Variants in MAGI1 observed in about 807,000 individuals in gnomAD.
MAGI1 encodes the protein membrane-associated guanylate kinase, WW and PDZ domain-containing protein 1.
MAGI1 carries 58 observed loss-of-function variants against 139.9 expected under a neutral mutation model. That is an observed-to-expected ratio of 0.41 (90% CI 0.34 to 0.52). The LOEUF is 0.52. Ranked by LOEUF, MAGI1 falls within the 20% of genes least tolerant of loss-of-function variation. The probability of loss-of-function intolerance (pLI) is 0.12; values close to 1 mark genes in which losing one functional copy is unlikely to be tolerated. For synonymous variants in MAGI1, 812 were observed against 737.9 expected, an observed-to-expected ratio of 1.10 and a Z score of -1.63; for missense variants, 1,874 against 1,901.6, an observed-to-expected ratio of 0.99 and a Z score of 0.27.
At chr3:65,786,122 A>C (rs773897637) in intron 1 of MAGI1, among the ~76,000 whole-genome samples, 8 of 151,582 alleles carry the variant, frequency 5.3e-5, no homozygotes, top group Non-Finnish European at 8.8e-5. Context: ...CACCCGGCTA[A>C]TTTTTATATT....
At chr3:65,532,158 T>C (rs1418937010) in intron 2 of MAGI1, among the ~76,000 whole-genome samples, 1 of 152,196 alleles carries the variant, frequency 6.6e-6, no homozygotes, top group African/African-American at 2.4e-5. Context: ...CATCTTATCT[T>C]TTACTCCAAT....
intron 1 of MAGI1, among the ~76,000 whole-genome samples, chr3:65,869,343 A>G (rs2059842994): frequency 6.6e-6 from 1 of 151,392 alleles, no homozygotes; most frequent in Admixed American, 6.6e-5. Flanking sequence ...TAGAATGTAC[A>G]GATCCCAAAG....
At chr3:65,952,281 G>C (rs1318059259) in intron 1 of MAGI1, among the ~76,000 whole-genome samples, 1 of 152,082 alleles carries the variant, frequency 6.6e-6, no homozygotes, top group Non-Finnish European at 1.5e-5. Context: ...TTTTGCCTTG[G>C]CTCATTCCTG....
chr3:65,767,797 G>A (rs1328061787), intron 1 of MAGI1, among the ~76,000 whole-genome samples: 1 of 152,192 alleles, frequency 6.6e-6, no homozygotes, highest in East Asian at 1.9e-4. Context: ...TCCTCAGGCA[G>A]TTCTAGCTGG....
chr3:65,880,195 T>C (rs1213282218), intron 1 of MAGI1, among the ~76,000 whole-genome samples: 3 of 151,932 alleles, frequency 2.0e-5, no homozygotes, highest in Non-Finnish European at 4.4e-5. Context: ...TAAGCTGAGA[T>C]TGCACCACTG....
In MAGI1 at chr3:65,945,943, C is replaced by A. The variant is rs1376553158; in HGVS notation, c.313+92053G>T. 2.0e-5 allele frequency among the ~76,000 whole-genome samples: 3 copies of A among 152,186 alleles called. No individual in the cohort carries two copies. In the East Asian group the frequency reaches 5.8e-4, roughly 29 times the overall value. ...GAGAGGCAAGCAATAAAGTGGTAAT[C>A]ATTCTTTTAAAAATCTTTAGTATTA... On this transcript the variant is annotated intron_variant, in intron 1 of 22. Transcript: ENST00000402939.
intron 3 of MAGI1, among the ~76,000 whole-genome samples, chr3:65,490,085 G>T (rs760574807): frequency 3.3e-5 from 5 of 152,154 alleles, no homozygotes; most frequent in Admixed American, 1.3e-4. Context: ...CTAGTAGAGG[G>T]GAAAGGGATC....
At chr3:65,370,013 T>C (rs1317410246) in intron 18 of MAGI1, among the ~76,000 whole-genome samples, 3 of 152,210 alleles carry the variant, frequency 2.0e-5, no homozygotes. Flanking sequence ...AGAAAGGAAG[T>C]GGATCCAGTG....
chr3:65,894,557 G>C (rs1336555815), intron 1 of MAGI1, among the ~76,000 whole-genome samples: 1 of 152,198 alleles, frequency 6.6e-6, no homozygotes, highest in Non-Finnish European at 1.5e-5. Flanking sequence ...GATGTCAAAT[G>C]TTAGCATTTT....
chr3:65,865,062 T>C (rs564999903), intron 1 of MAGI1, among the ~76,000 whole-genome samples: 13 of 152,266 alleles, frequency 8.5e-5, no homozygotes, highest in East Asian at 1.9e-4. Flanking sequence ...CTCTTCAATA[T>C]TGTAGATATG....
chr3:65,436,567 A>G (rs1047335757), intron 10 of MAGI1, among the ~76,000 whole-genome samples: 8 of 152,220 alleles, frequency 5.3e-5, no homozygotes, highest in African/African-American at 1.9e-4. Flanking sequence ...TGAAAACACA[A>G]TATCAAACCA....
At chr3:65,881,489 T>C (rs1227787298) in intron 1 of MAGI1, among the ~76,000 whole-genome samples, 1 of 151,980 alleles carries the variant, frequency 6.6e-6, no homozygotes, top group African/African-American at 2.4e-5. Flanking sequence ...TAGCTGGGCA[T>C]GGTGGTGTGT....
intron 1 of MAGI1, among the ~76,000 whole-genome samples, chr3:65,645,517 G>A (rs1348763277): frequency 6.6e-6 from 1 of 152,086 alleles, no homozygotes; most frequent in African/African-American, 2.4e-5. Flanking sequence ...TTCATTGACA[G>A]TAAACCTATC....
chr3:65,818,105 T>C (rs1243177837), intron 1 of MAGI1, among the ~76,000 whole-genome samples: 1 of 152,060 alleles, frequency 6.6e-6, no homozygotes, highest in Non-Finnish European at 1.5e-5. Flanking sequence ...AAGAGAATTA[T>C]TTTTAAATCT....
intron 1 of MAGI1, among the ~76,000 whole-genome samples, chr3:65,848,672 G>C (rs1051008865): frequency 2.6e-5 from 4 of 151,810 alleles, no homozygotes; most frequent in Non-Finnish European, 5.9e-5. Flanking sequence ...AAAACCTATA[G>C]CTTAGCAGTT....
rs568564542 is a variant in MAGI1 at position 65,418,557 on chromosome 3, C to T, written c.2167+10963G>A. ...TCTCACCTATGTTGCATCCCATCTTCTTCCCCTTCTTAAATACTTCACTCC... is the reference window on the plus strand; with the variant it reads ...TCTCACCTATGTTGCATCCCATCTTTTTCCCCTTCTTAAATACTTCACTCC... On this transcript the variant is annotated intron_variant, in intron 12 of 22. Transcript: ENST00000402939. Among the ~76,000 whole-genome samples the T allele has an allele frequency of 1.1e-4, 17 of 152,286 alleles. No individual in the cohort carries two copies. The East Asian group carries it at 3.3e-3, about 29-fold the overall frequency.
chr3:65,461,048 C>A (rs1029000379), intron 5 of MAGI1, among the ~76,000 whole-genome samples: 2 of 151,944 alleles, frequency 1.3e-5, no homozygotes, highest in African/African-American at 4.8e-5. Flanking sequence ...ATTTATAATC[C>A]TTTGGGTATA....
At chr3:66,017,146 C>G (rs568587168) in intron 1 of MAGI1, among the ~76,000 whole-genome samples, 3 of 152,198 alleles carry the variant, frequency 2.0e-5, no homozygotes, top group Non-Finnish European at 4.4e-5. Context: ...GTATATTTTA[C>G]CACAATTTTG....
chr3:65,990,591 A>G (rs1181831493), intron 1 of MAGI1, among the ~76,000 whole-genome samples: 1 of 152,182 alleles, frequency 6.6e-6, no homozygotes, highest in Non-Finnish European at 1.5e-5. Flanking sequence ...AGCACAGAGT[A>G]ACTATGATGA....
Sources: gnomAD v4.1 joint callset for allele counts (sites outside exome capture counted in the v4.1 genomes callset) on GRCh38, gnomAD v4.1.1 for gene constraint, MANE v1.5 for transcripts, NCBI Gene and HGNC (gene_info 2026-07-23, HGNC 2026-07-21) for gene names.